The following INVS variants were observed in gnomAD, a reference collection of about 807,000 sequenced individuals.
INVS encodes inversion of embryo turning homolog.
A neutral mutation model predicts 108.8 loss-of-function variants in INVS; 86 were observed. The ratio of observed to expected loss-of-function variants is 0.79; its 90% CI spans 0.66 to 0.95. INVS has a LOEUF of 0.95. Ranked by LOEUF, INVS falls within the 40% of genes least tolerant of loss-of-function variation. The probability of loss-of-function intolerance (pLI) is 0.00; values close to 1 mark genes in which losing one functional copy is unlikely to be tolerated. For missense variants in INVS, 1,169 were observed against 1,297.4 expected (o/e 0.90, Z 1.52); for synonymous variants, 455 against 473.5 (o/e 0.96, Z 0.51).
rs530742112 is a variant in INVS, at chr9:100,232,997, T to C, written c.615+3170T>C. 2.6e-5 allele frequency among the ~76,000 whole-genome samples: 4 copies of C among 152,284 alleles called. No individual in the cohort carries two copies. In the East Asian group the frequency reaches 5.8e-4, roughly 22 times the overall value. On this transcript the variant is annotated intron_variant, in intron 5 of 16. Transcript: ENST00000262457. ...TCTCCCTGTCCATGAGTGTGGAATG[T>C]TTTTCCATTTGTTTGTGTCCTCTCT...
intron 3 of INVS, among the ~76,000 whole-genome samples, chr9:100,214,289 A>T (rs895652524): frequency 1.3e-5 from 2 of 152,176 alleles, no homozygotes; most frequent in Non-Finnish European, 2.9e-5. Context: ...TTAGACTGAC[A>T]TGCTAATCTT....
chr9:100,275,541 C>T (rs146970902), intron 12 of INVS, among the ~76,000 whole-genome samples: 10 of 152,310 alleles, frequency 6.6e-5, no homozygotes, highest in African/African-American at 2.4e-4. Flanking sequence ...TTTAATTTTG[C>T]GTTTAATTCT....
intron 8 of INVS, among the ~76,000 whole-genome samples, chr9:100,249,828 A>G (rs930282538): frequency 2.0e-5 from 3 of 149,560 alleles, no homozygotes; most frequent in African/African-American, 7.3e-5. Flanking sequence ...CCTTAGGCCG[A>G]GCGTGGTAGC....
chr9:100,270,531 G>A (rs955323867), intron 11 of INVS, among the ~76,000 whole-genome samples: 9 of 151,898 alleles, frequency 5.9e-5, no homozygotes, highest in African/African-American at 2.2e-4. Context: ...GATCACCTGA[G>A]GTCAGGAGTT....
Position 100,126,565 on chromosome 9 carries a change from T to C in INVS, c.273+16T>C, listed in dbSNP as rs2118895808. 1.2e-6 allele frequency: 2 copies of C among 1,613,616 alleles called. No homozygotes were observed. Among genetic ancestry groups the C allele is most frequent in the Middle Eastern group, 1.6e-4 (1 of 6,062 alleles). On this transcript the variant is annotated intron_variant, in intron 3 of 16. Transcript: ENST00000262457. ...AGCCCAGAAGGTGAGAAGTAAAATT[T>C]CCTTGAAGAGTAAATGTTTTGTGTG... is the stretch of plus-strand genomic sequence containing the variant.
chr9:100,138,700 C>CTTT lies in INVS; in HGVS notation c.273+12167_273+12169dup, dbSNP rs36096327. ...TTAAATTATTTTTATTGATGGTTTC[C>CTTT]TTTTTTTTTTTTTTTTTTCCTTTCA... On this transcript the variant is annotated intron_variant, in intron 3 of 16. Coordinates refer to ENST00000262457, the MANE Select transcript of INVS (RefSeq NM_014425.5). Among the ~76,000 whole-genome samples the CTTT allele has an allele frequency of 1.3e-3, 160 of 124,908 alleles. 2 individuals are homozygous for CTTT. Among genetic ancestry groups the CTTT allele is most frequent in the South Asian group, 3.4e-3 (13 of 3,824 alleles). 81.9% of individuals were successfully genotyped at this position (124,908 alleles called of 152,430 possible).
intron 3 of INVS, among the ~76,000 whole-genome samples, chr9:100,198,023 G>A (rs919028791): frequency 4.6e-5 from 7 of 152,124 alleles, no homozygotes; most frequent in African/African-American, 9.7e-5. Context: ...TGGGAGTTAA[G>A]AGCCAGAAAC....
chr9:100,123,250 C>G (rs1827782534), intron 2 of INVS, among the ~76,000 whole-genome samples: 1 of 152,240 alleles, frequency 6.6e-6, no homozygotes, highest in South Asian at 2.1e-4. Flanking sequence ...TTGGCTGTTA[C>G]TCTTCAAATT....
intron 6 of INVS, among the ~76,000 whole-genome samples, chr9:100,241,608 GT>G (rs918616451): frequency 1.3e-5 from 2 of 152,074 alleles, no homozygotes; most frequent in East Asian, 1.9e-4. Flanking sequence ...CCTATAGTAT[GT>G]TTTTTTGTAG....
chr9:100,246,603 A>G lies in INVS; in HGVS notation c.907-13A>G. The G allele has an allele frequency of 6.2e-7, 1 of 1,604,556 alleles. No homozygotes were observed. The highest frequency in any genetic ancestry group is 1.1e-5 in the South Asian group (1 of 90,806). Reference sequence around the variant, plus strand: ...TGTTTTGTCTCCATTTTTTAAATCAAGTTTTCTTACAGGAAACGGTTAAAG... The same window carrying G: ...TGTTTTGTCTCCATTTTTTAAATCAGGTTTTCTTACAGGAAACGGTTAAAG... On this transcript the variant is annotated splice_polypyrimidine_tract_variant and intron_variant, in intron 7 of 16. Coordinates refer to ENST00000262457, the MANE Select transcript of INVS (RefSeq NM_014425.5).
At chr9:100,175,825 A>G in intron 3 of INVS, 2 of 668,058 alleles carry the variant, frequency 3.0e-6, no homozygotes, top group South Asian at 1.4e-5. Flanking sequence ...GGTGCACCCA[A>G]TCCTGGAACA....
At chr9:100,254,452 T>A (rs1832347830) in intron 10 of INVS, among the ~76,000 whole-genome samples, 1 of 152,230 alleles carries the variant, frequency 6.6e-6, no homozygotes, top group African/African-American at 2.4e-5. Flanking sequence ...TGGCTTTTGT[T>A]GCCATTGCTT....
intron 3 of INVS, among the ~76,000 whole-genome samples, chr9:100,205,547 A>G (rs1830648967): frequency 6.6e-6 from 1 of 152,148 alleles, no homozygotes; most frequent in Admixed American, 6.6e-5. Flanking sequence ...CAAGAGTAAT[A>G]TAGAAATAAA....
At chr9:100,283,005 G>C (rs1230478269) in intron 12 of INVS, among the ~76,000 whole-genome samples, 1 of 152,164 alleles carries the variant, frequency 6.6e-6, no homozygotes. Flanking sequence ...AGTGTGAGGA[G>C]CACAGAACTA....
At chr9:100,125,652 A>G (rs1331092241) in intron 2 of INVS, among the ~76,000 whole-genome samples, 1 of 146,496 alleles carries the variant, frequency 6.8e-6, no homozygotes, top group African/African-American at 2.5e-5. Flanking sequence ...CTATCTTGTC[A>G]TCTTGTCTAG....
intron 3 of INVS, among the ~76,000 whole-genome samples, chr9:100,194,748 A>C (rs1176944464): frequency 5.3e-5 from 8 of 152,160 alleles, no homozygotes; most frequent in Admixed American, 3.3e-4. Flanking sequence ...AGGAATAACA[A>C]ATGTAGGGGG....
chr9:100,217,234 G>A (rs577629491), intron 3 of INVS, among the ~76,000 whole-genome samples: 42 of 152,142 alleles, frequency 2.8e-4, no homozygotes, highest in Non-Finnish European at 5.0e-4. Flanking sequence ...GCTTGAACCC[G>A]GGAGGCAGAG....
At chr9:100,295,069 G>A (rs1464114224) in intron 14 of INVS, among the ~76,000 whole-genome samples, 1 of 152,158 alleles carries the variant, frequency 6.6e-6, no homozygotes, top group East Asian at 1.9e-4. Flanking sequence ...ACATGCACTG[G>A]CTACCATCCA....
At chr9:100,156,455 G>T (rs1014867061) in intron 3 of INVS, among the ~76,000 whole-genome samples, 1 of 151,694 alleles carries the variant, frequency 6.6e-6, no homozygotes, top group Non-Finnish European at 1.5e-5. Flanking sequence ...TAGAGATGGG[G>T]TTTTGCCATG....
Sources: gnomAD v4.1 joint callset for allele counts (sites outside exome capture counted in the v4.1 genomes callset) on GRCh38, gnomAD v4.1.1 for gene constraint, MANE v1.5 for transcripts, NCBI Gene and HGNC (gene_info 2026-07-23, HGNC 2026-07-21) for gene names.